ENOX1: variants seen among roughly 807,000 people sequenced by gnomAD.
The protein encoded by ENOX1 is candidate growth-related and time keeping constitutive hydroquinone (NADH) oxidase.
ENOX1 carries 42 observed loss-of-function variants against 82.5 expected under a neutral mutation model. The ratio of observed to expected loss-of-function variants is 0.51; its 90% CI spans 0.40 to 0.66. The LOEUF (loss-of-function observed/expected upper bound fraction) is 0.66, where lower values mean the gene tolerates loss of function less well. ENOX1 is among the 30% of genes least tolerant of loss of function. The pLI is 0.00. For missense variants in ENOX1, 608 were observed against 811.6 expected (o/e 0.75, Z 3.05); for synonymous variants, 271 against 282.2 (o/e 0.96, Z 0.40).
intron 1 of ENOX1, among the ~76,000 whole-genome samples, chr13:43,740,865 T>A (rs540317522): frequency 3.9e-5 from 6 of 152,354 alleles, no homozygotes; most frequent in Non-Finnish European, 7.3e-5. Context: ...TCTAGCTATA[T>A]CACATTTTGT....
intron 2 of ENOX1, among the ~76,000 whole-genome samples, chr13:43,600,043 C>A (rs2081635800): frequency 6.6e-6 from 1 of 152,050 alleles, no homozygotes; most frequent in Non-Finnish European, 1.5e-5. Flanking sequence ...TCACTGTGAG[C>A]TTTGGGTAAG....
At position 43,213,998 on chromosome 13, in the gene ENOX1, T is replaced by C; in HGVS notation, c.1924A>G (p.Thr642Ala). The C allele has an allele frequency of 6.2e-7, 1 of 1,613,668 alleles. No individual in the cohort carries two copies. The highest frequency in any genetic ancestry group is 2.2e-5 in the East Asian group (1 of 44,858). ...TGCTTTGCTCTTCGCAGTTAGGTAG[T>C]TTTAATTCCTTCAAAGGCACACAGC... ...WKLCAFEGIK[T>A]T is the part of the protein sequence containing the mutation. Residue 642 changes from threonine (T) to alanine (A), a missense_variant, in exon 17 of 17, where the codon ACT becomes GCT. Transcript: ENST00000690772.
chr13:43,380,037 C>T (rs1013314886), intron 5 of ENOX1, among the ~76,000 whole-genome samples: 1 of 151,780 alleles, frequency 6.6e-6, no homozygotes, highest in Non-Finnish European at 1.5e-5. Context: ...AAAAAAAAAT[C>T]TTTTCTTTAA....
At chr13:43,632,741 C>T (rs539722645) in intron 2 of ENOX1, among the ~76,000 whole-genome samples, 1 of 152,182 alleles carries the variant, frequency 6.6e-6, no homozygotes, top group African/African-American at 2.4e-5. Context: ...ACCACAGTGC[C>T]CGGCCTGATT....
intron 2 of ENOX1, among the ~76,000 whole-genome samples, chr13:43,621,315 G>T (rs1434428301): frequency 2.0e-5 from 3 of 151,794 alleles, no homozygotes; most frequent in African/African-American, 7.3e-5. Flanking sequence ...TTGTTTTTTT[G>T]CTTTTTAACT....
chr13:43,769,544 T>C (rs993346105), intron 1 of ENOX1, among the ~76,000 whole-genome samples: 4 of 152,160 alleles, frequency 2.6e-5, no homozygotes, highest in Non-Finnish European at 5.9e-5. Flanking sequence ...GGTCTTTACA[T>C]CCTATACTGG....
rs567598345 is a variant in ENOX1 at position 43,229,092 on chromosome 13, A to G, written c.1715-4954T>C. Among the ~76,000 whole-genome samples, 38 of 152,212 alleles carry G rather than the reference A, an allele frequency of 2.5e-4. 1 individual carries two copies. Among genetic ancestry groups the G allele is most frequent in the Non-Finnish European group, 4.4e-5 (3 of 67,994 alleles). On this transcript the variant is annotated intron_variant, in intron 15 of 16. Transcript: ENST00000690772. ...CATGCTAGTGAATAAGTCTCGTGAG[A>G]TCTGATGGTTTTATAAGGGGAAACT... is the stretch of plus-strand genomic sequence containing the variant.
At chr13:43,464,008 T>G (rs1210115179) in intron 3 of ENOX1, among the ~76,000 whole-genome samples, 2 of 152,178 alleles carry the variant, frequency 1.3e-5, no homozygotes, top group African/African-American at 4.8e-5. Context: ...GCAAGAGGCA[T>G]GCTTACAGGC....
At chr13:43,577,292 C>A (rs549785894) in intron 2 of ENOX1, among the ~76,000 whole-genome samples, 1 of 152,060 alleles carries the variant, frequency 6.6e-6, no homozygotes, top group African/African-American at 2.4e-5. Flanking sequence ...CCACCACACC[C>A]GACTAATTTT....
Position 43,356,001 on chromosome 13 carries a change from C to T in ENOX1, c.741G>A (p.Glu247=), listed in dbSNP as rs867546391. 1 of 1,614,010 alleles carries T rather than the reference C, an allele frequency of 6.2e-7. No homozygotes were observed. The highest frequency in any genetic ancestry group is 1.7e-5 in the Admixed American group (1 of 60,032). The part of the protein sequence containing the change: ...REERHRRKLE[E]DRLRPPSPPA... ...GCGGGGATGGGGGCCTGAGCCGGTC[C>T]TCCTCCAGCTTGCGCCGGTGCCGCT... Residue 247 remains glutamate, a synonymous_variant, in exon 8 of 17, where the codon GAG becomes GAA. Transcript: ENST00000690772.
rs2079700854 is a variant in ENOX1, at chr13:43,562,046, G to A, written c.-218-77894C>T. The stretch of plus-strand genomic sequence containing the variant: ...GATGGAGAGAGGGAAATGCAGCAAG[G>A]AGAAGAGATGGGGAGCAACATGGCC... On this transcript the variant is annotated intron_variant, in intron 2 of 16. Transcript: ENST00000690772. Among the ~76,000 whole-genome samples the A allele has an allele frequency of 2.0e-5, 3 of 152,116 alleles. No homozygotes were observed. In the South Asian group the frequency reaches 6.2e-4, roughly 32 times the overall value.
intron 2 of ENOX1, among the ~76,000 whole-genome samples, chr13:43,608,954 A>G (rs1430515171): frequency 6.6e-6 from 1 of 152,096 alleles, no homozygotes; most frequent in Non-Finnish European, 1.5e-5. Flanking sequence ...GAATTTCTAA[A>G]CCAACTGGCA....
At chr13:43,639,354 A>C (rs1037457501) in intron 2 of ENOX1, among the ~76,000 whole-genome samples, 1 of 152,214 alleles carries the variant, frequency 6.6e-6, no homozygotes, top group Non-Finnish European at 1.5e-5. Flanking sequence ...CTAAGAGAAA[A>C]AAATTGGGAA....
chr13:43,535,113 C>T (rs1055179556), intron 2 of ENOX1, among the ~76,000 whole-genome samples: 5 of 152,154 alleles, frequency 3.3e-5, no homozygotes, highest in Admixed American at 6.5e-5. Flanking sequence ...AACTCCTCCA[C>T]ACAATTGTCA....
chr13:43,690,379 A>G (rs1342476740), intron 1 of ENOX1, among the ~76,000 whole-genome samples: 1 of 152,072 alleles, frequency 6.6e-6, no homozygotes, highest in Non-Finnish European at 1.5e-5. Context: ...ACTCAGCTTG[A>G]CCAAGTGACT....
chr13:43,766,745 C>T (rs917387744), intron 1 of ENOX1, among the ~76,000 whole-genome samples: 7 of 152,122 alleles, frequency 4.6e-5, no homozygotes, highest in South Asian at 2.1e-4. Context: ...GGTCAAGCTA[C>T]GGACAGTCAA....
chr13:43,427,994 T>G (rs1394653830), intron 3 of ENOX1, among the ~76,000 whole-genome samples: 1 of 152,160 alleles, frequency 6.6e-6, no homozygotes. Context: ...ACATCAGCAA[T>G]GCACCAGGAG....
chr13:43,295,014 A>G (rs938474507), intron 12 of ENOX1, among the ~76,000 whole-genome samples: 1 of 152,196 alleles, frequency 6.6e-6, no homozygotes, highest in African/African-American at 2.4e-5. Context: ...ACTGATTTAT[A>G]TATTGATTGT....
intron 1 of ENOX1, among the ~76,000 whole-genome samples, chr13:43,768,473 C>T (rs1433198459): frequency 1.3e-5 from 2 of 152,068 alleles, no homozygotes; most frequent in Non-Finnish European, 2.9e-5. Flanking sequence ...AATTTTAAAA[C>T]TACCCAGGCA....
Sources: allele counts gnomAD v4.1 joint callset (sites outside exome capture counted in the v4.1 genomes callset), GRCh38; gene constraint gnomAD v4.1.1; transcripts MANE v1.5; gene names NCBI Gene and HGNC (gene_info 2026-07-23, HGNC 2026-07-21).